The following NLGN1 variants were observed in gnomAD, a reference collection of about 807,000 sequenced individuals.
NLGN1 encodes neuroligin 1.
NLGN1 carries 12 observed loss-of-function variants against 65.5 expected under a neutral mutation model. The observed-to-expected ratio is 0.18, with a 90% CI of 0.12 to 0.30. NLGN1 has a LOEUF of 0.30. NLGN1 is among the 10% of genes least tolerant of loss of function. The pLI is 1.00. For synonymous variants in NLGN1, 350 were observed against 359.5 expected (o/e 0.97, Z 0.30); for missense variants, 750 against 1,007.1 (o/e 0.74, Z 3.46).
chr3:173,490,535 C>T (rs1728937064), intron 2 of NLGN1, among the ~76,000 whole-genome samples: 1 of 152,130 alleles, frequency 6.6e-6, no homozygotes, highest in Admixed American at 6.6e-5. Context: ...CATGATGCCT[C>T]CAGCTTTGTT....
At chr3:173,744,230 A>G (rs1775044422) in intron 3 of NLGN1, among the ~76,000 whole-genome samples, 1 of 152,138 alleles carries the variant, frequency 6.6e-6, no homozygotes, top group South Asian at 2.1e-4. Context: ...GTCATGAGAA[A>G]TATATAACAC....
At chr3:173,665,301 C>T (rs1761540549) in intron 3 of NLGN1, among the ~76,000 whole-genome samples, 1 of 152,112 alleles carries the variant, frequency 6.6e-6, no homozygotes, top group Non-Finnish European at 1.5e-5. Flanking sequence ...CTGCACTTCT[C>T]CTTCCTGCCG....
intron 2 of NLGN1, among the ~76,000 whole-genome samples, chr3:173,520,530 A>G (rs1734576535): frequency 6.6e-6 from 1 of 152,214 alleles, no homozygotes; most frequent in East Asian, 1.9e-4. Flanking sequence ...CTGTCTTCAA[A>G]AGCACACAGC....
At chr3:173,960,876 G>T (rs190871024) in intron 4 of NLGN1, among the ~76,000 whole-genome samples, 1 of 151,622 alleles carries the variant, frequency 6.6e-6, no homozygotes, top group East Asian at 1.9e-4. Flanking sequence ...GTTTATGTCT[G>T]ATCTACCTTT....
At chr3:173,934,859 A>G (rs1744767152) in intron 4 of NLGN1, among the ~76,000 whole-genome samples, 2 of 152,016 alleles carry the variant, frequency 1.3e-5, no homozygotes, top group African/African-American at 4.8e-5. Flanking sequence ...ACCCGATAAT[A>G]TCTCTTTAAA....
intron 3 of NLGN1, among the ~76,000 whole-genome samples, chr3:173,624,295 C>T (rs2149515423): frequency 6.6e-6 from 1 of 152,256 alleles, no homozygotes; most frequent in South Asian, 2.1e-4. Flanking sequence ...TATTTGACTG[C>T]ACTTTCTGCC....
chr3:174,282,528 T>C (rs1751656705), exon 7 of NLGN1: 1 of 152,160 alleles, frequency 6.6e-6, no homozygotes, highest in African/African-American at 2.4e-5. Context: ...CTCAGTAGAG[T>C]ACAACGTAGA....
chr3:174,067,602 G>A (rs139952648), intron 4 of NLGN1, among the ~76,000 whole-genome samples: 2 of 152,036 alleles, frequency 1.3e-5, no homozygotes, highest in Non-Finnish European at 2.9e-5. Context: ...TTGTCCTCAG[G>A]TCTCCTCTAC....
chr3:173,740,959 A>G (rs1223569537), intron 3 of NLGN1, among the ~76,000 whole-genome samples: 2 of 152,172 alleles, frequency 1.3e-5, no homozygotes, highest in Non-Finnish European at 2.9e-5. Flanking sequence ...CCTACAGAAA[A>G]AACAGCTTTG....
At chr3:174,086,257 A>C in intron 4 of NLGN1, among the ~76,000 whole-genome samples, 1 of 2,696 alleles carries the variant, frequency 3.7e-4, no homozygotes, top group Non-Finnish European at 2.3e-3. Context: ...GTATGTGCAT[A>C]CATATATATA....
At chr3:173,536,356 G>A (rs540976544) in intron 2 of NLGN1, among the ~76,000 whole-genome samples, 1 of 152,218 alleles carries the variant, frequency 6.6e-6, no homozygotes, top group African/African-American at 2.4e-5. Flanking sequence ...CTTATTCCCA[G>A]CTCCCAGCTT....
intron 2 of NLGN1, among the ~76,000 whole-genome samples, chr3:173,523,538 C>T (rs986768472): frequency 1.3e-5 from 2 of 151,600 alleles, no homozygotes; most frequent in Non-Finnish European, 3.0e-5. Context: ...TTATTTTTGT[C>T]AACTTTGTCA....
intron 4 of NLGN1, among the ~76,000 whole-genome samples, chr3:173,836,064 G>A (rs1267563977): frequency 6.6e-6 from 1 of 152,124 alleles, no homozygotes; most frequent in Non-Finnish European, 1.5e-5. Context: ...CCCAGCACTG[G>A]AACTTGCAGC....
intron 3 of NLGN1, among the ~76,000 whole-genome samples, chr3:173,776,317 C>G (rs935791287): frequency 6.6e-6 from 1 of 152,038 alleles, no homozygotes; most frequent in Non-Finnish European, 1.5e-5. Flanking sequence ...TAAATGGAAT[C>G]TAATTAATCT....
intron 3 of NLGN1, among the ~76,000 whole-genome samples, chr3:173,788,528 G>A (rs897924636): frequency 6.6e-6 from 1 of 151,858 alleles, no homozygotes; most frequent in Non-Finnish European, 1.5e-5. Flanking sequence ...TTTCATAAAT[G>A]ATCCTATGAA....
At chr3:174,180,866 A>G (rs534882363) in intron 4 of NLGN1, 4 of 152,142 alleles carry the variant, frequency 2.6e-5, no homozygotes, top group African/African-American at 4.8e-5. Context: ...CAATGTATAG[A>G]ACTATAGACA....
intron 3 of NLGN1, among the ~76,000 whole-genome samples, chr3:173,701,584 T>A (rs1767172166): frequency 6.6e-6 from 1 of 152,262 alleles, no homozygotes; most frequent in South Asian, 2.1e-4. Flanking sequence ...ACATTTCTGG[T>A]ATTTTGAACA....
chr3:173,453,231 G>A (rs938545618), intron 2 of NLGN1, among the ~76,000 whole-genome samples: 1 of 151,874 alleles, frequency 6.6e-6, no homozygotes, highest in Non-Finnish European at 1.5e-5. Context: ...GGGACTACAG[G>A]TGTATACCAA....
intron 4 of NLGN1, among the ~76,000 whole-genome samples, chr3:174,176,039 A>G (rs942475866): frequency 4.0e-5 from 6 of 151,896 alleles, no homozygotes; most frequent in African/African-American, 7.2e-5. Flanking sequence ...AACATACACA[A>G]TTGGGAGGAC....
Sources: allele counts gnomAD v4.1 joint callset (sites outside exome capture counted in the v4.1 genomes callset), GRCh38; gene constraint gnomAD v4.1.1; transcripts MANE v1.5; gene names NCBI Gene and HGNC (gene_info 2026-07-23, HGNC 2026-07-21).